UBA5: variants seen among roughly 807,000 people sequenced by gnomAD.
UBA5 encodes ubiquitin like modifier activating enzyme 5.
UBA5 carries 28 observed loss-of-function variants against 52.9 expected under a neutral mutation model. The ratio of observed to expected loss-of-function variants is 0.53; its 90% CI spans 0.39 to 0.73. UBA5 has a LOEUF of 0.73. Ranked by LOEUF, UBA5 falls within the 30% of genes least tolerant of loss-of-function variation. UBA5 has a pLI of 0.00. For synonymous variants in UBA5, 135 were observed against 162.1 expected (o/e 0.83, Z 1.27); for missense variants, 388 against 492.7 (o/e 0.79, Z 2.01).
At position 132,660,365 on chromosome 3, in the gene UBA5, C is replaced by A; in HGVS notation, c.-173C>A. 1 of 788,076 alleles carries A rather than the reference C, an allele frequency of 1.3e-6. No homozygotes were observed. Among genetic ancestry groups the A allele is most frequent in the Non-Finnish European group, 2.0e-6 (1 of 509,048 alleles). The allele number at this position is 788,076 out of a possible 1,614,324, so 48.8% of individuals were successfully genotyped here. A position where few individuals can be genotyped will look rare whatever the true frequency, so the allele number is the denominator to read the frequency against. On this transcript the variant is annotated 5_prime_UTR_variant, in exon 1 of 12. Transcript: ENST00000356232. The surrounding 1 kb of genome is among the most constrained non-coding windows in gnomAD (Gnocchi z 4.1). ...GGCTCCGAGGAAGGCCTGTGGGAGT[C>A]TCGGAGACGTGTCTGTCTGTGAGGC...
chr3:132,670,909 T>C, intron 5 of UBA5, 56 bp from the exon 6 acceptor site: 2 of 1,215,308 alleles, frequency 1.6e-6, no homozygotes, highest in East Asian at 2.3e-5. Flanking sequence ...GTAAGTATAA[T>C]GTATTAGAGT....
At chr3:132,666,414 C>G (rs1473033268) in intron 3 of UBA5, among the ~76,000 whole-genome samples, 1 of 152,054 alleles carries the variant, frequency 6.6e-6, no homozygotes, top group Non-Finnish European at 1.5e-5. Flanking sequence ...TAAACATATA[C>G]CAGGCAGAAT....
Position 132,676,676 on chromosome 3 carries a change from C to G in UBA5, c.*150C>G. The stretch of plus-strand genomic sequence containing the variant: ...ACTTTTTGAAAATCCTGTGACTTGC[C>G]TGTTTCTCCCCGCTCCAACGAAATC... On this transcript the variant is annotated 3_prime_UTR_variant, in exon 12 of 12. Coordinates refer to ENST00000356232, the MANE Select transcript of UBA5 (RefSeq NM_024818.6). The surrounding 1 kb of genome is among the most constrained non-coding windows in gnomAD (Gnocchi z 4.1). 2 of 623,630 alleles carry G rather than the reference C, an allele frequency of 3.2e-6. No individual in the cohort carries two copies. Among genetic ancestry groups the G allele is most frequent in the South Asian group, 3.8e-5 (2 of 53,148 alleles). The allele number at this position is 623,630 out of a possible 1,614,324, so 38.6% of individuals were successfully genotyped here.
At position 132,676,005 on chromosome 3, in the gene UBA5, A is replaced by C. The variant is rs575514468; in HGVS notation, c.1131+82A>C. 3 of 945,898 alleles carry C rather than the reference A, an allele frequency of 3.2e-6. No individual in the cohort carries two copies. The South Asian group carries it at 5.3e-5, about 17-fold the overall frequency. 58.6% of individuals were successfully genotyped at this position (945,898 alleles called of 1,614,324 possible). A position where few individuals can be genotyped will look rare whatever the true frequency, so the allele number is the denominator to read the frequency against. On this transcript the variant is annotated intron_variant, in intron 11 of 11. Transcript: ENST00000356232. This position sits in a 1 kb window ranked among gnomAD's most constrained non-coding sequence, Gnocchi z 4.1. ...TTCATTCTAATTTGTAATGCCAATG[A>C]AGTATTTCCTGTTTTAGATATTTTA...
At chr3:132,664,580 A>C (rs1938294330) in intron 1 of UBA5, among the ~76,000 whole-genome samples, 2 of 152,168 alleles carry the variant, frequency 1.3e-5, no homozygotes, top group Non-Finnish European at 2.9e-5. Context: ...TGGACTCCAC[A>C]TTCAAGATTT....
intron 6 of UBA5, among the ~76,000 whole-genome samples, chr3:132,671,328 T>C (rs1289395853): frequency 6.6e-6 from 1 of 152,210 alleles, no homozygotes; most frequent in Non-Finnish European, 1.5e-5. Context: ...CTTAAATTAG[T>C]ATCTTATAAT....
upstream of UBA5, among the ~76,000 whole-genome samples, chr3:132,655,680 C>A (rs557991601): frequency 6.6e-6 from 1 of 152,312 alleles, no homozygotes; most frequent in Admixed American, 6.5e-5. Flanking sequence ...TACATATCAA[C>A]TTCTACATTG....
rs552147463 is a variant in UBA5 at position 132,668,589 on chromosome 3, G to A, written c.298-229G>A. The A allele has an allele frequency of 1.3e-4, 38 of 287,490 alleles. No individual in the cohort carries two copies. The South Asian group carries it at 3.0e-3, about 23-fold the overall frequency. 17.8% of individuals were successfully genotyped at this position (287,490 alleles called of 1,614,324 possible). ...ATTTTCACTTCATATTAGATGAGTG[G>A]CCTTTGGACAAGTGTTGTAGTTGCC... is the stretch of plus-strand genomic sequence containing the variant. On this transcript the variant is annotated intron_variant, in intron 3 of 11. Coordinates refer to ENST00000356232, the MANE Select transcript of UBA5 (RefSeq NM_024818.6).
At chr3:132,663,527 G>T (rs533366468) in intron 1 of UBA5, among the ~76,000 whole-genome samples, 15 of 152,188 alleles carry the variant, frequency 9.9e-5, no homozygotes, top group African/African-American at 3.4e-4. Context: ...ACAGCTGATC[G>T]TGGGGTTGGA....
chr3:132,661,457 A>C (rs1458291792), intron 1 of UBA5, among the ~76,000 whole-genome samples: 5 of 152,218 alleles, frequency 3.3e-5, no homozygotes, highest in Admixed American at 3.3e-4. Flanking sequence ...GCGCTTGTAC[A>C]TGGCAAGCCT....
rs1938132361 is a variant in UBA5 at position 132,660,999 on chromosome 3, C to G, written c.161+301C>G. ...TTAGTCCGCCTCGCTGTGTATAAGACTGATAGTAAGAACTTTCAGAAGATG... is the reference window on the plus strand; with the variant it reads ...TTAGTCCGCCTCGCTGTGTATAAGAGTGATAGTAAGAACTTTCAGAAGATG... On this transcript the variant is annotated intron_variant, in intron 1 of 11. Transcript: ENST00000356232. The surrounding 1 kb of genome is among the most constrained non-coding windows in gnomAD (Gnocchi z 4.1). 6.9e-7 allele frequency: 1 copy of G among 1,444,564 alleles called. No individual in the cohort carries two copies. Among genetic ancestry groups the G allele is most frequent in the South Asian group, 1.2e-5 (1 of 82,374 alleles). 89.5% of individuals were successfully genotyped at this position (1,444,564 alleles called of 1,614,324 possible). A position where few individuals can be genotyped will look rare whatever the true frequency, so the allele number is the denominator to read the frequency against.
At chr3:132,675,708 G>A in intron 10 of UBA5, 28 bp downstream of exon 10, 2 of 1,575,036 alleles carry the variant, frequency 1.3e-6, no homozygotes, top group East Asian at 2.2e-5. Context: ...AATTGAAATG[G>A]CAGTATAAAA....
chr3:132,677,131 A>G lies in UBA5; in HGVS notation c.*605A>G, dbSNP rs1938873495. The G allele has an allele frequency of 1.3e-5, 3 of 236,426 alleles. No homozygotes were observed. The highest frequency in any genetic ancestry group is 2.6e-5 in the Non-Finnish European group (3 of 114,798). The allele number at this position is 236,426 out of a possible 1,614,324, so 14.6% of individuals were successfully genotyped here. Reference sequence around the variant, plus strand: ...TATTGGAAAAGTCTGTAACCTGTGGATCATATATATTCAAAGTGAGACAAA... The same window carrying G: ...TATTGGAAAAGTCTGTAACCTGTGGGTCATATATATTCAAAGTGAGACAAA... On this transcript the variant is annotated 3_prime_UTR_variant, in exon 12 of 12. Transcript: ENST00000356232.
chr3:132,669,077 C>T, intron 4 of UBA5, 150 bp downstream of exon 4: 1 of 539,972 alleles, frequency 1.9e-6, no homozygotes, highest in Non-Finnish European at 3.1e-6. Flanking sequence ...CATGGGTTGG[C>T]AAACTTTTTA....
At position 132,676,656 on chromosome 3, in the gene UBA5, T is replaced by C. The variant is rs1938853287; in HGVS notation, c.*130T>C. 3.0e-6 allele frequency: 2 copies of C among 675,454 alleles called. No homozygotes were observed. Among genetic ancestry groups the C allele is most frequent in the South Asian group, 3.7e-5 (2 of 53,804 alleles). 41.8% of individuals were successfully genotyped at this position (675,454 alleles called of 1,614,324 possible). ...ATTCTTACCTGAATTGTTATACTTT[T>C]TGAAAATCCTGTGACTTGCCTGTTT... On this transcript the variant is annotated 3_prime_UTR_variant, in exon 12 of 12. Transcript: ENST00000356232. This position sits in a 1 kb window ranked among gnomAD's most constrained non-coding sequence, Gnocchi z 4.1.
chr3:132,655,460 G>C (rs891129180), upstream of UBA5, among the ~76,000 whole-genome samples: 1 of 152,108 alleles, frequency 6.6e-6, no homozygotes, highest in Non-Finnish European at 1.5e-5. Flanking sequence ...CACTACTTCA[G>C]GCATTTGGGC....
At chr3:132,673,357 G>GT (rs145988750) in intron 8 of UBA5, among the ~76,000 whole-genome samples, 3,220 of 151,804 alleles carry the variant, frequency 0.021, 125 homozygotes, top group African/African-American at 0.074. Flanking sequence ...TCTTCTTTTT[G>GT]TTTTTTTGGA....
upstream of UBA5, chr3:132,660,314 AG>A (rs1211856332): frequency 1.7e-6 from 1 of 602,074 alleles, no homozygotes; most frequent in Non-Finnish European, 2.9e-6. This position sits in a 1 kb window ranked among gnomAD's most constrained non-coding sequence, Gnocchi z 4.1. Flanking sequence ...GATGAGGGGG[AG>A]CGATGTCTGC....
At chr3:132,666,777 T>A (rs1399156295) in intron 3 of UBA5, among the ~76,000 whole-genome samples, 1 of 152,128 alleles carries the variant, frequency 6.6e-6, no homozygotes, top group Non-Finnish European at 1.5e-5. Context: ...CACTTATCAA[T>A]ATAGAAATAA....
Sources: gnomAD v4.1 joint callset for allele counts (sites outside exome capture counted in the v4.1 genomes callset) on GRCh38, gnomAD v4.1.1 for gene constraint, Gnocchi (gnomAD v3.1) non-coding constraint, MANE v1.5 for transcripts, NCBI Gene and HGNC (gene_info 2026-07-23, HGNC 2026-07-21) for gene names.